The following OR14A16 variants were observed in gnomAD, a reference collection of about 807,000 sequenced individuals.
The protein encoded by OR14A16 is olfactory receptor 14A16.
For synonymous variants in OR14A16, 135 were observed against 137.6 expected (o/e 0.98, Z 0.13); for missense variants, 341 against 366.5 (o/e 0.93, Z 0.57).
At chr1:247,820,781 A>G (rs1662721193) in intron 1 of OR14A16, among the ~76,000 whole-genome samples, 1 of 151,846 alleles carries the variant, frequency 6.6e-6, no homozygotes, top group Non-Finnish European at 1.5e-5. Context: ...AATCACTTGA[A>G]CTTGGGAGGC....
At chr1:247,823,599 A>G (rs976798385) in intron 1 of OR14A16, among the ~76,000 whole-genome samples, 1 of 152,240 alleles carries the variant, frequency 6.6e-6, no homozygotes, top group Non-Finnish European at 1.5e-5. Context: ...GTCTTCAAGC[A>G]TGCATACAGA....
At chr1:247,816,622 G>A (rs942425969) in intron 2 of OR14A16, among the ~76,000 whole-genome samples, 1 of 152,124 alleles carries the variant, frequency 6.6e-6, no homozygotes, top group African/African-American at 2.4e-5. Context: ...CTGCTACTTG[G>A]GAGGCTGAGG....
chr1:247,821,405 T>C (rs1039818873), intron 1 of OR14A16, among the ~76,000 whole-genome samples: 1 of 152,246 alleles, frequency 6.6e-6, no homozygotes, highest in Non-Finnish European at 1.5e-5. Flanking sequence ...ATCTCTCTTT[T>C]CAGATAAAGT....
rs1662593749 is a variant in OR14A16 at position 247,815,432 on chromosome 1, A to G, written c.298T>C (p.Phe100Leu). Residue 100 changes from phenylalanine (F) to leucine (L), a missense_variant, in exon 3 of 3, where the codon TTT (phenylalanine) becomes CTT (leucine). Phe to Leu is a conservative substitution (Grantham distance 22, BLOSUM62 0). Coordinates refer to ENST00000641093, the MANE Select transcript of OR14A16 (RefSeq NM_001001966.2). ...ISFLGCVSQV[F>L]LLLSSASAEL... Reference sequence around the variant, plus strand: ...GCAGATGCTGAAGAAAGCAACAAAAAGACCTGGGAAACACAGCCAAGGAAT... The same window carrying G: ...GCAGATGCTGAAGAAAGCAACAAAAGGACCTGGGAAACACAGCCAAGGAAT... 1 of 1,614,054 alleles carries G rather than the reference A, an allele frequency of 6.2e-7. No individual in the cohort carries two copies. The highest frequency in any genetic ancestry group is 8.5e-7 in the Non-Finnish European group (1 of 1,180,032).
intron 1 of OR14A16, among the ~76,000 whole-genome samples, chr1:247,822,323 A>T (rs113755584): frequency 0.089 from 680 of 7,666 alleles, 19 homozygotes; most frequent in Non-Finnish European, 0.2. Flanking sequence ...GCGGGGGGGG[A>T]GGGTGGGGAT....
intron 2 of OR14A16, among the ~76,000 whole-genome samples, chr1:247,817,110 T>C: frequency 6.6e-6 from 1 of 152,248 alleles, no homozygotes; most frequent in Non-Finnish European, 1.5e-5. Context: ...TTTCTAATTC[T>C]ACAGATTGTA....
chr1:247,818,954 T>C (rs938448069), intron 2 of OR14A16, 109 bp downstream of exon 2: 5 of 152,058 alleles, frequency 3.3e-5, no homozygotes, highest in African/African-American at 1.2e-4. Flanking sequence ...AATCAAAACA[T>C]CACAGGTACC....
rs1248948777 is a variant in OR14A16 at position 247,824,040 on chromosome 1, C to G, written c.-218G>C. On this transcript the variant is annotated 5_prime_UTR_variant, in exon 1 of 3. Coordinates refer to ENST00000641093, the MANE Select transcript of OR14A16 (RefSeq NM_001001966.2). ...AGAAGATTTAGGACACGGACACACA[C>G]CAGGAGTTCAGGAGCAGAGGTTTAA... is the stretch of plus-strand genomic sequence containing the variant. 6.6e-6 allele frequency: 1 copy of G among 152,002 alleles called. No individual in the cohort carries two copies. The highest frequency in any genetic ancestry group is 1.5e-5 in the Non-Finnish European group (1 of 68,032). The allele number at this position is 152,002 out of a possible 1,614,324, so 9.4% of individuals were successfully genotyped here.
At position 247,815,310 on chromosome 1, in the gene OR14A16, G is replaced by A; in HGVS notation, c.420C>T (p.Val140=). 6.2e-7 allele frequency: 1 copy of A among 1,614,080 alleles called. No individual in the cohort carries two copies. The highest frequency in any genetic ancestry group is 8.5e-7 in the Non-Finnish European group (1 of 1,180,004). ...YDVIMDRSTC[V]QRATVSWLYG... Reference sequence around the variant, plus strand: ...ACAGCCAAGACACAGTGGCTCTTTGGACACAGGTGCTCCTGTCCATGATGA... The same window carrying A: ...ACAGCCAAGACACAGTGGCTCTTTGAACACAGGTGCTCCTGTCCATGATGA... The change falls in exon 3 of 3, where the codon GTC becomes GTT. Residue 140 remains valine, a synonymous_variant. Coordinates refer to ENST00000641093, the MANE Select transcript of OR14A16 (RefSeq NM_001001966.2).
intron 2 of OR14A16, among the ~76,000 whole-genome samples, chr1:247,816,991 T>C (rs555827207): frequency 4.9e-4 from 75 of 152,286 alleles, no homozygotes; most frequent in Admixed American, 2.0e-3. Flanking sequence ...GTATTGCAAA[T>C]TATGGGGCAG....
In OR14A16 at chr1:247,815,192, G is replaced by A. The variant is rs1662585912; in HGVS notation, c.538C>T (p.Pro180Ser). The A allele has an allele frequency of 6.2e-7, 1 of 1,613,634 alleles. No homozygotes were observed. Among genetic ancestry groups the A allele is most frequent in the East Asian group, 2.2e-5 (1 of 44,848 alleles). Residue 180 changes from proline (P) to serine (S), a missense_variant, in exon 3 of 3, where the codon CCC (proline) becomes TCC (serine). Pro to Ser is a moderately conservative substitution (Grantham distance 74). Transcript: ENST00000641093. ...NMVHQFFCDIPQLLAISCSEN... is the reference protein window; with the variant it reads ...NMVHQFFCDISQLLAISCSEN... ...GAGCAAGAAATAGCTAATAACTGGG[G>A]AATGTCACAGAAGAACTGATGGACC...
At chr1:247,821,955 G>A (rs61464952) in intron 1 of OR14A16, among the ~76,000 whole-genome samples, 21,575 of 127,482 alleles carry the variant, frequency 0.17, 3,611 homozygotes, top group African/African-American at 0.33. Context: ...AACTTAAAAT[G>A]TTTTATACTT....
chr1:247,818,528 A>G (rs1662669149), intron 2 of OR14A16, among the ~76,000 whole-genome samples: 2 of 152,200 alleles, frequency 1.3e-5, no homozygotes. Context: ...TACCCACAAA[A>G]ACAAATGAAA....
intron 1 of OR14A16, among the ~76,000 whole-genome samples, chr1:247,820,058 T>A (rs1662703888): frequency 1.3e-5 from 2 of 152,244 alleles, no homozygotes; most frequent in Non-Finnish European, 2.9e-5. Context: ...CACTTGCATC[T>A]GAAGGAAAAA....
Position 247,815,738 on chromosome 1 carries a change from G to GC in OR14A16, c.-10_-9insG. On this transcript the variant is annotated 5_prime_UTR_variant, in exon 3 of 3. Transcript: ENST00000641093. ...ATTGTGAGATTTGCCATTATTGCAG[G>GC]AGTAATCTGCAGGAAAAGGAGAAGA... 3 of 1,430,626 alleles carry GC rather than the reference G, an allele frequency of 2.1e-6. No individual in the cohort carries two copies. Among genetic ancestry groups the GC allele is most frequent in the Non-Finnish European group, 2.9e-6 (3 of 1,032,918 alleles). The allele number at this position is 1,430,626 out of a possible 1,614,324, so 88.6% of individuals were successfully genotyped here. A position where few individuals can be genotyped will look rare whatever the true frequency, so the allele number is the denominator to read the frequency against.
intron 2 of OR14A16, among the ~76,000 whole-genome samples, chr1:247,817,275 C>T (rs1160664885): frequency 6.6e-6 from 1 of 151,968 alleles, no homozygotes; most frequent in Non-Finnish European, 1.5e-5. Context: ...ATGTTGTTTG[C>T]TGAATTTAGG....
At chr1:247,816,450 G>C (rs1394061748) in intron 2 of OR14A16, among the ~76,000 whole-genome samples, 1 of 152,180 alleles carries the variant, frequency 6.6e-6, no homozygotes, top group East Asian at 1.9e-4. Flanking sequence ...GAGCTGGCCG[G>C]GTGCGGTGGC....
At chr1:247,823,031 T>C (rs183059008) in intron 1 of OR14A16, among the ~76,000 whole-genome samples, 49 of 152,322 alleles carry the variant, frequency 3.2e-4, no homozygotes, top group Admixed American at 8.5e-4. Context: ...AAGGACCCTA[T>C]TGATTTGTAT....
In OR14A16 at chr1:247,815,318, T is replaced by G; in HGVS notation, c.412A>C (p.Thr138Pro). Residue 138 changes from threonine (T) to proline (P), a missense_variant, in exon 3 of 3, where the codon ACC becomes CCC. Coordinates refer to ENST00000641093, the MANE Select transcript of OR14A16 (RefSeq NM_001001966.2). Reference protein sequence around the residue: ...LHYDVIMDRSTCVQRATVSWL... With the variant: ...LHYDVIMDRSPCVQRATVSWL... ...GACACAGTGGCTCTTTGGACACAGG[T>G]GCTCCTGTCCATGATGACATCATAG... The G allele has an allele frequency of 6.2e-7, 1 of 1,614,072 alleles. No homozygotes were observed. Among genetic ancestry groups the G allele is most frequent in the African/African-American group, 1.3e-5 (1 of 75,018 alleles).
Sources: gnomAD v4.1 joint callset for allele counts (sites outside exome capture counted in the v4.1 genomes callset) on GRCh38, gnomAD v4.1.1 for gene constraint, MANE v1.5 for transcripts, NCBI Gene and HGNC (gene_info 2026-07-23, HGNC 2026-07-21) for gene names.